Variants in SV2C observed in about 807,000 individuals in gnomAD.
The protein encoded by SV2C is synaptic vesicle glycoprotein 2C.
A neutral mutation model predicts 79.7 loss-of-function variants in SV2C; 49 were observed. The ratio of observed to expected loss-of-function variants is 0.61; its 90% confidence interval spans 0.49 to 0.78. The LOEUF is 0.78. Ranked by LOEUF, SV2C falls within the 30% of genes least tolerant of loss-of-function variation. SV2C has a pLI of 0.00. For synonymous variants in SV2C, 334 were observed against 333.2 expected (o/e 1.00, Z -0.03); for missense variants, 833 against 912.9 (o/e 0.91, Z 1.13).
intron 12 of SV2C, among the ~76,000 whole-genome samples, chr5:76,301,908 C>CAAAA (rs11436839): frequency 2.9e-4 from 12 of 41,372 alleles, no homozygotes; most frequent in African/African-American, 4.7e-4. Context: ...GACACCATCT[C>CAAAA]AAAAAAAAAA....
At chr5:76,157,578 C>T (rs1166745116) in intron 2 of SV2C, among the ~76,000 whole-genome samples, 1 of 151,742 alleles carries the variant, frequency 6.6e-6, no homozygotes, top group Non-Finnish European at 1.5e-5. Context: ...TATATACACA[C>T]ATACATATAT....
At chr5:76,097,244 T>A (rs946431892) in intron 1 of SV2C, among the ~76,000 whole-genome samples, 1 of 152,218 alleles carries the variant, frequency 6.6e-6, no homozygotes, top group African/African-American at 2.4e-5. Context: ...TTGTATTCTG[T>A]TTTATATATA....
the SV2C span, among the ~76,000 whole-genome samples, chr5:75,985,701 T>C: frequency 1.3e-5 from 2 of 151,700 alleles, no homozygotes; most frequent in East Asian, 1.9e-4. Context: ...TAAAAAAAAG[T>C]AATGTTAAAA....
At chr5:76,315,197 C>CACAT in intron 12 of SV2C, among the ~76,000 whole-genome samples, 1 of 151,814 alleles carries the variant, frequency 6.6e-6, no homozygotes, top group Admixed American at 6.6e-5. Context: ...CGCACACACA[C>CACAT]ACACACACAC....
chr5:76,236,692 G>C (rs1264376237), intron 4 of SV2C, among the ~76,000 whole-genome samples: 1 of 152,124 alleles, frequency 6.6e-6, no homozygotes, highest in Non-Finnish European at 1.5e-5. Context: ...ACTGCAGGGA[G>C]AGCATTAATC....
At chr5:76,011,869 TC>T in the SV2C span, among the ~76,000 whole-genome samples, 15 of 152,328 alleles carry the variant, frequency 9.8e-5, no homozygotes, top group South Asian at 4.1e-4. Context: ...TGTTTGGTTT[TC>T]TGTTCTTGTG....
At chr5:76,173,993 A>G in intron 2 of SV2C, 1 of 1,559,470 alleles carries the variant, frequency 6.4e-7, no homozygotes, top group South Asian at 1.1e-5. Flanking sequence ...CATTGCTGTA[A>G]ATTGCTCCGT....
At chr5:75,930,799 G>A in the SV2C span, among the ~76,000 whole-genome samples, 86,197 of 152,008 alleles carry the variant, frequency 0.57, 25,271 homozygotes, top group African/African-American at 0.72. Flanking sequence ...TCTTTTATGG[G>A]CCATTTATGT....
the SV2C span, among the ~76,000 whole-genome samples, chr5:76,030,289 T>TTTTTATTTATTTATTTATTTA: frequency 4.2e-5 from 5 of 117,908 alleles, no homozygotes; most frequent in African/African-American, 1.9e-4. Flanking sequence ...TTTTTTTTTT[T>TTTTTATTTATTTATTTATTTA]TTTATTTATT....
chr5:76,168,310 T>C lies in SV2C; in HGVS notation c.581-26609T>C, dbSNP rs1743104182. 3.3e-5 allele frequency among the ~76,000 whole-genome samples: 5 copies of C among 152,158 alleles called. No individual in the cohort carries two copies. In the South Asian group the frequency reaches 1.0e-3, roughly 32 times the overall value. On this transcript the variant is annotated intron_variant, in intron 2 of 12. Coordinates refer to ENST00000502798, the MANE Select transcript of SV2C (RefSeq NM_014979.4). Reference sequence around the variant, plus strand: ...GACTGAACCCTGTGTCCCTGTCTAATGCTCGCTACTTTAGCTGACTCAACT... The same window carrying C: ...GACTGAACCCTGTGTCCCTGTCTAACGCTCGCTACTTTAGCTGACTCAACT...
chr5:76,105,201 G>A (rs1334634121), intron 1 of SV2C, among the ~76,000 whole-genome samples: 1 of 152,182 alleles, frequency 6.6e-6, no homozygotes, highest in Non-Finnish European at 1.5e-5. Flanking sequence ...ACCACCAGAA[G>A]TTAGGAGAGG....
chr5:76,325,042 C>T (rs1188610489), intron 12 of SV2C, among the ~76,000 whole-genome samples: 1 of 152,058 alleles, frequency 6.6e-6, no homozygotes, highest in Non-Finnish European at 1.5e-5. Flanking sequence ...GAAAAAGACC[C>T]TTCCTTCCAA....
chr5:76,177,470 GATA>G (rs1393753309), intron 2 of SV2C, among the ~76,000 whole-genome samples: 7 of 151,710 alleles, frequency 4.6e-5, no homozygotes, highest in African/African-American at 1.7e-4. Flanking sequence ...AACAATAACT[GATA>G]ATAAAATAAT....
chr5:75,997,393 G>A, the SV2C span, among the ~76,000 whole-genome samples: 1 of 146,718 alleles, frequency 6.8e-6, no homozygotes, highest in South Asian at 2.2e-4. Flanking sequence ...TACCATCAGA[G>A]TGAACAGGCA....
At chr5:75,906,044 G>A in the SV2C span, among the ~76,000 whole-genome samples, 1 of 151,396 alleles carries the variant, frequency 6.6e-6, no homozygotes, top group Admixed American at 6.6e-5. Flanking sequence ...AGTGGAGATG[G>A]AACAGCACAG....
the SV2C span, among the ~76,000 whole-genome samples, chr5:75,871,824 T>TAC: frequency 1.1e-3 from 131 of 114,536 alleles, no homozygotes; most frequent in African/African-American, 4.8e-3. Flanking sequence ...TAAATATATA[T>TAC]ATATATATAT....
At chr5:76,217,529 C>T (rs775233276) in intron 4 of SV2C, among the ~76,000 whole-genome samples, 22 of 152,220 alleles carry the variant, frequency 1.4e-4, no homozygotes, top group Non-Finnish European at 2.4e-4. Flanking sequence ...CCAGCCCACT[C>T]TCCTAGTCAG....
At chr5:76,298,445 G>A (rs561678411) in intron 9 of SV2C, among the ~76,000 whole-genome samples, 3 of 152,256 alleles carry the variant, frequency 2.0e-5, no homozygotes, top group African/African-American at 7.2e-5. Flanking sequence ...TATACATGAA[G>A]AGACGATAGG....
intron 3 of SV2C, among the ~76,000 whole-genome samples, chr5:76,196,066 T>C (rs902513747): frequency 1.3e-5 from 2 of 152,206 alleles, no homozygotes; most frequent in Admixed American, 1.3e-4. Context: ...GGTTATAAAC[T>C]TTAAAAGCTA....
Sources: allele counts gnomAD v4.1 joint callset (sites outside exome capture counted in the v4.1 genomes callset), GRCh38; gene constraint gnomAD v4.1.1; transcripts MANE v1.5; gene names NCBI Gene and HGNC (gene_info 2026-07-23, HGNC 2026-07-21).